ACLY: variants seen among roughly 807,000 people sequenced by gnomAD.
ACLY encodes the protein ATP citrate lyase.
In ACLY, 41 loss-of-function variants were observed where a neutral mutation model predicts 133.0. The observed-to-expected ratio is 0.31, with a 90% CI of 0.24 to 0.40. The LOEUF (loss-of-function observed/expected upper bound fraction) is 0.40, where lower values mean the gene tolerates loss of function less well. Among genes scored for constraint, ACLY ranks in the 10% least tolerant of loss-of-function variants. The pLI is 1.00. For missense variants in ACLY, 1,046 were observed against 1,453.8 expected, an observed-to-expected ratio of 0.72 and a Z score of 4.56; for synonymous variants, 495 against 549.3, an observed-to-expected ratio of 0.90 and a Z score of 1.38.
At chr17:41,894,459 G>A (rs1482934969) in intron 14 of ACLY, among the ~76,000 whole-genome samples, 2 of 149,876 alleles carry the variant, frequency 1.3e-5, no homozygotes, top group Admixed American at 6.7e-5. Context: ...ATAGTGGTGC[G>A]TGCTTGAGTC....
intron 10 of ACLY, 118 bp from the exon 11 acceptor site, chr17:41,901,931 G>A: frequency 1.3e-6 from 1 of 778,624 alleles, no homozygotes; most frequent in Non-Finnish European, 2.1e-6. Context: ...AGGAAGCACA[G>A]GACTACGCAT....
upstream of ACLY, among the ~76,000 whole-genome samples, chr17:41,923,560 T>C (rs1411871694): frequency 3.3e-5 from 5 of 152,154 alleles, no homozygotes; most frequent in Admixed American, 3.3e-4. Context: ...AAAGATCCTA[T>C]CCAGTGGATC....
At position 41,907,372 on chromosome 17, in the gene ACLY, C is replaced by G. The variant is rs145720385; in HGVS notation, c.747+70G>C. 2,848 of 1,463,698 alleles carry G rather than the reference C, an allele frequency of 1.9e-3. 8 individuals are homozygous for G. The highest frequency in any genetic ancestry group is 7.4e-3 in the Middle Eastern group (33 of 4,466). The allele number at this position is 1,463,698 out of a possible 1,614,324, so 90.7% of individuals were successfully genotyped here. On this transcript the variant is annotated intron_variant, in intron 7 of 28. Coordinates refer to ENST00000352035, the MANE Select transcript of ACLY (RefSeq NM_001096.3). Reference sequence around the variant, plus strand: ...ACAGCTCATGAAGGGGGGCCAAATGCACATCAAAGATGAGTCACCTCCCCA... The same window carrying G: ...ACAGCTCATGAAGGGGGGCCAAATGGACATCAAAGATGAGTCACCTCCCCA...
chr17:41,899,045 C>T (rs545599639), intron 11 of ACLY, among the ~76,000 whole-genome samples: 31 of 152,156 alleles, frequency 2.0e-4, no homozygotes, highest in Middle Eastern at 3.4e-3. Context: ...GAGGCCGAGG[C>T]GGGCAGATCA....
chr17:41,926,320 T>C (rs889133522), intron 1 of ACLY, among the ~76,000 whole-genome samples: 1 of 152,216 alleles, frequency 6.6e-6, no homozygotes, highest in Non-Finnish European at 1.5e-5. Context: ...TATATCCTTG[T>C]GCTGTAGCCT....
rs140050646 is a variant in ACLY, at chr17:41,905,583, C to T, written c.942G>A (p.Gln314=). 16,967 of 1,614,176 alleles carry T rather than the reference C, an allele frequency of 0.011. 109 individuals are homozygous for T. Among genetic ancestry groups the T allele is most frequent in the Non-Finnish European group, 0.012 (14,510 of 1,180,020 alleles). ...YGEYSGAPSE[Q]QTYDYAKTIL... is the part of the protein sequence containing the mutation. ...TAGTCTTGGCATAGTCATAGGTCTGCTGCTCGCTGGGGGCGCCTGAGTACT... is the reference window on the plus strand; with the variant it reads ...TAGTCTTGGCATAGTCATAGGTCTGTTGCTCGCTGGGGGCGCCTGAGTACT... Residue 314 remains glutamine (Q), a synonymous_variant, in exon 9 of 29, where the codon CAG becomes CAA. Transcript: ENST00000352035.
chr17:41,907,971 A>G (rs1481617323), intron 6 of ACLY, among the ~76,000 whole-genome samples: 1 of 152,130 alleles, frequency 6.6e-6, no homozygotes, highest in Non-Finnish European at 1.5e-5. Context: ...ATGCACATCT[A>G]TGTCTCCCAG....
intron 20 of ACLY, among the ~76,000 whole-genome samples, chr17:41,879,383 G>A (rs532561201): frequency 8.6e-5 from 13 of 150,564 alleles, no homozygotes; most frequent in Non-Finnish European, 1.3e-4. Context: ...TGGGATTACA[G>A]GTGTGAGCCA....
At chr17:41,900,646 G>A (rs1448413748) in intron 11 of ACLY, among the ~76,000 whole-genome samples, 1 of 151,870 alleles carries the variant, frequency 6.6e-6, no homozygotes, top group Non-Finnish European at 1.5e-5. Context: ...GATCACTTGA[G>A]CCCACAAGGT....
At chr17:41,887,570 G>T in intron 17 of ACLY, 29 bp downstream of exon 17, 1 of 1,596,246 alleles carries the variant, frequency 6.3e-7, no homozygotes, top group Non-Finnish European at 8.6e-7. Context: ...AGCATCGAAC[G>T]TAAAAGGCTT....
chr17:41,884,099 A>C, intron 19 of ACLY, 94 bp downstream of exon 19: 1 of 743,220 alleles, frequency 1.3e-6, no homozygotes, highest in Non-Finnish European at 2.3e-6. Context: ...CTGTCCCTTT[A>C]AGTTACATGT....
chr17:41,925,871 G>A (rs139097704), intron 1 of ACLY, among the ~76,000 whole-genome samples: 7,514 of 151,402 alleles, frequency 0.05, 217 homozygotes, highest in East Asian at 0.11. Context: ...TTGAGAGAGA[G>A]TCTTGCTCTG....
In ACLY at chr17:41,887,674, G is replaced by A; in HGVS notation, c.1800C>T (p.Gly600=). Residue 600 remains glycine, a synonymous_variant, in exon 17 of 29, where the codon GGC becomes GGT. Transcript: ENST00000352035. ...GCTTTCTCGTGAGGGCCTCAGGGAT[G>A]CCTTCAGCTATGATGGCGATGGTCC... The part of the protein sequence containing the change: ...QIRTIAIIAE[G]IPEALTRKLI... 6.2e-7 allele frequency: 1 copy of A among 1,613,730 alleles called. No individual in the cohort carries two copies. Among genetic ancestry groups the A allele is most frequent in the African/African-American group, 1.3e-5 (1 of 75,006 alleles).
chr17:41,924,744 T>C (rs2050222015), intron 1 of ACLY, among the ~76,000 whole-genome samples: 2 of 152,122 alleles, frequency 1.3e-5, no homozygotes, highest in South Asian at 4.1e-4. Context: ...GGATGGCTAG[T>C]TCCACTCCTG....
At chr17:41,889,482 G>A (rs1013343928) in intron 16 of ACLY, among the ~76,000 whole-genome samples, 5 of 113,916 alleles carry the variant, frequency 4.4e-5, no homozygotes, top group Non-Finnish European at 8.2e-5. Context: ...TCACGCCGCT[G>A]TACTCACTCT....
chr17:41,912,219 A>T (rs2049923548), intron 3 of ACLY, among the ~76,000 whole-genome samples: 1 of 152,128 alleles, frequency 6.6e-6, no homozygotes, highest in Non-Finnish European at 1.5e-5. Context: ...AGAAGTTTGG[A>T]TGATGAGGGA....
chr17:41,895,817 C>T (rs553504971), intron 14 of ACLY, among the ~76,000 whole-genome samples: 1 of 152,326 alleles, frequency 6.6e-6, no homozygotes, highest in African/African-American at 2.4e-5. Flanking sequence ...TCCTTCCCCT[C>T]CCCTTAGCAA....
At chr17:41,884,304 G>A in intron 18 of ACLY, 30 bp from the exon 19 acceptor site, 1 of 1,440,536 alleles carries the variant, frequency 6.9e-7, no homozygotes, top group Non-Finnish European at 9.8e-7. Flanking sequence ...TCAGGATACA[G>A]GATCAGGAGG....
At position 41,883,119 on chromosome 17, in the gene ACLY, T is replaced by A. The variant is rs782786524; in HGVS notation, c.2265+3A>T. 6 of 1,611,650 alleles carry A rather than the reference T, an allele frequency of 3.7e-6. No homozygotes were observed. Among genetic ancestry groups the A allele is most frequent in the Non-Finnish European group, 4.2e-6 (5 of 1,178,678 alleles). ...GCCCAGAAGTGACCCATCTCAGCCA[T>A]ACCTCAGAGGAGAACATGGTGGCAC... On this transcript the variant is annotated splice_donor_region_variant and intron_variant, in intron 20 of 28. Coordinates refer to ENST00000352035, the MANE Select transcript of ACLY (RefSeq NM_001096.3).
Sources: allele counts gnomAD v4.1 joint callset (sites outside exome capture counted in the v4.1 genomes callset), GRCh38; gene constraint gnomAD v4.1.1; transcripts MANE v1.5; gene names NCBI Gene and HGNC (gene_info 2026-07-23, HGNC 2026-07-21).